The following TRMT44 variants were observed in gnomAD, a reference collection of about 807,000 sequenced individuals.
TRMT44 encodes the protein tRNA methyltransferase 44 homolog, also known as probable tRNA (uracil-O(2)-)-methyltransferase.
In TRMT44, 78 loss-of-function variants were observed where a neutral mutation model predicts 77.3. The observed-to-expected ratio is 1.01, with a 90% CI of 0.84 to 1.22. The LOEUF (loss-of-function observed/expected upper bound fraction) is 1.22. TRMT44 is among the 50% of genes most tolerant of loss of function. TRMT44 has a pLI of 0.00. For missense variants in TRMT44, 1,090 were observed against 964.4 expected (o/e 1.13, Z -1.73); for synonymous variants, 391 against 383.3 (o/e 1.02, Z -0.23).
At chr4:8,498,187 C>T (rs1447622573), downstream of TRMT44, among the ~76,000 whole-genome samples, 1 of 152,190 alleles carries the variant, frequency 6.6e-6, no homozygotes, top group Non-Finnish European at 1.5e-5. The surrounding 1 kb of genome is among the most constrained non-coding windows in gnomAD (Gnocchi z 4.3). Context: ...ACTCCATCCC[C>T]TGACTCCTCA....
At position 8,451,933 on chromosome 4, in the gene TRMT44, TTA is replaced by T; in HGVS notation, c.955-25_955-24del. On this transcript the variant is annotated intron_variant, in intron 3 of 10. Coordinates refer to ENST00000389737, the MANE Select transcript of TRMT44 (RefSeq NM_152544.3). The surrounding 1 kb of genome is among the most constrained non-coding windows in gnomAD (Gnocchi z 4.1). ...AATGGTGGTGGGGAAACCGAACAAT[TTA>T]TGTTTGCTCTTGAAACTGTTTTAGG... 5 of 1,535,528 alleles carry T rather than the reference TTA, an allele frequency of 3.3e-6. No individual in the cohort carries two copies. Among genetic ancestry groups the T allele is most frequent in the Non-Finnish European group, 4.4e-6 (5 of 1,146,098 alleles).
Position 8,471,251 on chromosome 4 carries a change from T to C in TRMT44, c.2044+51T>C, listed in dbSNP as rs775090762. On this transcript the variant is annotated intron_variant, in intron 10 of 10. Transcript: ENST00000389737. ...GTTCTTTCCTTCTTTTTCCCCCTTT[T>C]TTCAGTTAAATAATGTTTTATTTTA... is the stretch of plus-strand genomic sequence containing the variant. 10 of 1,277,998 alleles carry C rather than the reference T, an allele frequency of 7.8e-6. No homozygotes were observed. The African/African-American group carries it at 1.4e-4, about 17-fold the overall frequency. 79.2% of individuals were successfully genotyped at this position (1,277,998 alleles called of 1,614,324 possible). A position where few individuals can be genotyped will look rare whatever the true frequency, so the allele number is the denominator to read the frequency against.
chr4:8,491,474 G>A (rs918550592), intron 2 of TRMT44, among the ~76,000 whole-genome samples: 8 of 152,228 alleles, frequency 5.3e-5, no homozygotes, highest in Non-Finnish European at 8.8e-5. Flanking sequence ...GTGCTCGTCG[G>A]GGAGGCTCGG....
intron 6 of TRMT44, among the ~76,000 whole-genome samples, chr4:8,457,986 C>T (rs879931362): frequency 2.6e-5 from 4 of 152,168 alleles, no homozygotes; most frequent in Non-Finnish European, 4.4e-5. Flanking sequence ...TAACTACAGA[C>T]GACCTGATGG....
At chr4:8,479,726 C>T (rs913176606), downstream of TRMT44, among the ~76,000 whole-genome samples, 1 of 152,124 alleles carries the variant, frequency 6.6e-6, no homozygotes, top group Non-Finnish European at 1.5e-5. Context: ...TTAGGCCACA[C>T]TCAGTTTATA....
the TRMT44 span, among the ~76,000 whole-genome samples, chr4:8,503,611 C>G: frequency 1.3e-5 from 2 of 152,216 alleles, no homozygotes; most frequent in African/African-American, 4.8e-5. Context: ...AGAGTCAGCA[C>G]CCAGTAAGGT....
chr4:8,474,238 GCTC>G (rs1446126681), intron 10 of TRMT44, among the ~76,000 whole-genome samples: 1 of 152,210 alleles, frequency 6.6e-6, no homozygotes, highest in Non-Finnish European at 1.5e-5. Flanking sequence ...GGCCCCTGGG[GCTC>G]CTCCTGAGCA....
At chr4:8,492,120 G>A (rs908559294) in intron 2 of TRMT44, among the ~76,000 whole-genome samples, 5 of 152,226 alleles carry the variant, frequency 3.3e-5, no homozygotes, top group Admixed American at 2.0e-4. Flanking sequence ...CCAGAATAGC[G>A]AGGTTTCCTC....
At position 8,441,305 on chromosome 4, in the gene TRMT44, G is replaced by A. The variant is rs996247880; in HGVS notation, c.483G>A (p.Leu161=). 4 of 1,535,490 alleles carry A rather than the reference G, an allele frequency of 2.6e-6. No homozygotes were observed. Among genetic ancestry groups the A allele is most frequent in the Middle Eastern group, 1.7e-4 (1 of 6,008 alleles). The change falls in exon 1 of 11, where the codon CTG becomes CTA. Residue 161 remains leucine (L), a synonymous_variant. Coordinates refer to ENST00000389737, the MANE Select transcript of TRMT44 (RefSeq NM_152544.3). ...TCGCCCGTGGCAATTCGGAGTTGCT[G>A]GCCTTCCTCACCAGCTCCGGGGCGG... is the stretch of plus-strand genomic sequence containing the variant. ...QSLARGNSEL[L]AFLTSSGAGS...
chr4:8,455,405 CT>C (rs1725741811), intron 6 of TRMT44, among the ~76,000 whole-genome samples: 1 of 152,262 alleles, frequency 6.6e-6, no homozygotes, highest in Non-Finnish European at 1.5e-5. Flanking sequence ...GAGATGCCCC[CT>C]GGCGGGATCA....
chr4:8,507,375 T>A, the TRMT44 span: 3 of 152,438 alleles, frequency 2.0e-5, no homozygotes, highest in East Asian at 3.9e-4. Context: ...CAGTGAATTA[T>A]TCTGCTGAGT....
the TRMT44 span, among the ~76,000 whole-genome samples, chr4:8,513,748 A>T: frequency 1.3e-5 from 2 of 152,216 alleles, no homozygotes; most frequent in Non-Finnish European, 2.9e-5. Flanking sequence ...ATCACAAAAG[A>T]GCATATTCAG....
chr4:8,504,994 C>A, the TRMT44 span, among the ~76,000 whole-genome samples: 30 of 152,290 alleles, frequency 2.0e-4, no homozygotes, highest in Non-Finnish European at 5.9e-5. The surrounding 1 kb of genome is among the most constrained non-coding windows in gnomAD (Gnocchi z 5.3). Context: ...CCCTCCCCTG[C>A]ATGCTGCCCC....
Position 8,468,325 on chromosome 4 carries a change from T to C in TRMT44, c.1906T>C (p.Leu636=), listed in dbSNP as rs370787337. 18 of 1,613,978 alleles carry C rather than the reference T, an allele frequency of 1.1e-5. No homozygotes were observed. The highest frequency in any genetic ancestry group is 4.5e-5 in the East Asian group (2 of 44,896). The change falls in exon 9 of 11, where the codon TTG becomes CTG. Residue 636 remains leucine, a synonymous_variant. Coordinates refer to ENST00000389737, the MANE Select transcript of TRMT44 (RefSeq NM_152544.3). ...LNTRSSRNGS[L]KTWNGGESLS... Reference sequence around the variant, plus strand: ...CACAAGAAGTTCTCGAAATGGGAGTTTGAAGACCTGGAATGGGGGAGGTAA... The same window carrying C: ...CACAAGAAGTTCTCGAAATGGGAGTCTGAAGACCTGGAATGGGGGAGGTAA...
the TRMT44 span, among the ~76,000 whole-genome samples, chr4:8,499,941 C>T: frequency 6.6e-6 from 1 of 152,254 alleles, no homozygotes; most frequent in Non-Finnish European, 1.5e-5. Context: ...AGAGAGAGCT[C>T]TCAGCCTATG....
At position 8,461,836 on chromosome 4, in the gene TRMT44, T is replaced by C. The variant is rs890803383; in HGVS notation, c.1204-2149T>C. Among the ~76,000 whole-genome samples the C allele has an allele frequency of 1.3e-5, 2 of 152,186 alleles. No individual in the cohort carries two copies. Among genetic ancestry groups the C allele is most frequent in the Non-Finnish European group, 2.9e-5 (2 of 68,032 alleles). ...GAGGGTGGTTCCGTTGACGTGCACA[T>C]GGTGTTTGTGGATTTTCTAGTGAAT... On this transcript the variant is annotated intron_variant, in intron 6 of 10. Coordinates refer to ENST00000389737, the MANE Select transcript of TRMT44 (RefSeq NM_152544.3). The surrounding 1 kb of genome is among the most constrained non-coding windows in gnomAD (Gnocchi z 4.6).
chr4:8,472,069 TA>T (rs1727043690), intron 10 of TRMT44, among the ~76,000 whole-genome samples: 2 of 152,006 alleles, frequency 1.3e-5, no homozygotes, highest in South Asian at 4.2e-4. Context: ...GCTAGCATGC[TA>T]TTTCACCCCT....
chr4:8,454,097 T>G (rs963432822), intron 5 of TRMT44, among the ~76,000 whole-genome samples: 1 of 152,130 alleles, frequency 6.6e-6, no homozygotes, highest in African/African-American at 2.4e-5. Context: ...GTTTGCCCTA[T>G]GAGAGCCAAT....
the TRMT44 span, among the ~76,000 whole-genome samples, chr4:8,511,407 C>T: frequency 6.6e-5 from 10 of 152,284 alleles, no homozygotes; most frequent in African/African-American, 2.4e-4. Context: ...AAATGCCCAC[C>T]TCTTAATCTC....
Sources: allele counts gnomAD v4.1 joint callset (sites outside exome capture counted in the v4.1 genomes callset), GRCh38; gene constraint gnomAD v4.1.1; non-coding constraint Gnocchi (gnomAD v3.1); transcripts MANE v1.5; gene names NCBI Gene and HGNC (gene_info 2026-07-23, HGNC 2026-07-21).